The following TBXAS1 variants were observed in gnomAD, a reference collection of about 807,000 sequenced individuals.
TBXAS1 encodes the protein thromboxane-A synthase.
A neutral mutation model predicts 60.7 loss-of-function variants in TBXAS1; 48 were observed. The observed-to-expected ratio is 0.79, with a 90% CI of 0.63 to 1.01. TBXAS1 has a LOEUF of 1.01. TBXAS1 is among the 50% of genes least tolerant of loss of function. The pLI is 0.00. For missense variants in TBXAS1, 685 were observed against 686.3 expected (o/e 1.00, Z 0.02); for synonymous variants, 287 against 269.7 (o/e 1.06, Z -0.63).
intron 1 of TBXAS1, among the ~76,000 whole-genome samples, chr7:139,845,635 C>G (rs148738318): frequency 4.6e-5 from 7 of 152,168 alleles, no homozygotes; most frequent in Non-Finnish European, 7.4e-5. Context: ...GTAATAGGCA[C>G]GCAGTTACTT....
At chr7:139,843,725 C>A (rs2116593875) in intron 1 of TBXAS1, among the ~76,000 whole-genome samples, 1 of 152,338 alleles carries the variant, frequency 6.6e-6, no homozygotes, top group Non-Finnish European at 1.5e-5. Context: ...CATCTTAAGC[C>A]AGTGAGTGCC....
At chr7:139,858,929 C>T (rs1336014715) in intron 1 of TBXAS1, among the ~76,000 whole-genome samples, 3 of 152,072 alleles carry the variant, frequency 2.0e-5, no homozygotes, top group Non-Finnish European at 2.9e-5. Flanking sequence ...AGTGCAATGG[C>T]GTGATCTTGG....
chr7:139,947,632 T>C (rs1808841483), intron 5 of TBXAS1, among the ~76,000 whole-genome samples: 1 of 152,232 alleles, frequency 6.6e-6, no homozygotes, highest in South Asian at 2.1e-4. Context: ...CTTCCTTCCT[T>C]GGGGAATTTG....
At chr7:139,807,389 ATT>A (rs377132098) in intron 4 of TBXAS1, among the ~76,000 whole-genome samples, 9 of 143,318 alleles carry the variant, frequency 6.3e-5, no homozygotes, top group Non-Finnish European at 7.7e-5. Context: ...CACCTAGTTA[ATT>A]TTTTTTTTTT....
chr7:139,986,588 C>T (rs1331201837), intron 9 of TBXAS1, among the ~76,000 whole-genome samples: 1 of 151,616 alleles, frequency 6.6e-6, no homozygotes, highest in Non-Finnish European at 1.5e-5. Flanking sequence ...ATAGCTCCCG[C>T]TTATGAGTGA....
At chr7:139,971,513 G>C (rs1189090409) in intron 9 of TBXAS1, among the ~76,000 whole-genome samples, 5 of 152,310 alleles carry the variant, frequency 3.3e-5, no homozygotes, top group African/African-American at 1.2e-4. Context: ...CCGGCCATCT[G>C]CCTGTTCCCG....
At chr7:139,845,501 A>G (rs1419186663) in intron 1 of TBXAS1, among the ~76,000 whole-genome samples, 3 of 152,060 alleles carry the variant, frequency 2.0e-5, no homozygotes, top group African/African-American at 7.2e-5. Flanking sequence ...TCTTGCCCCA[A>G]TGTACCTGGT....
intron 4 of TBXAS1, among the ~76,000 whole-genome samples, chr7:139,815,679 G>A (rs1370022212): frequency 6.6e-6 from 1 of 152,188 alleles, no homozygotes; most frequent in East Asian, 1.9e-4. Context: ...CCTATTGGGA[G>A]ATAAGGCAGA....
Position 139,955,477 on chromosome 7 carries a change from C to T in TBXAS1, c.558C>T (p.Thr186=), listed in dbSNP as rs372676819. ...CCCGTAGGTGCTACTGCAATTACAC[C>T]ACAGATGTGGTTGCCAGCGTCGCCT... ...FDIQRCYCNY[T]TDVVASVAFG... The change falls in exon 7 of 13, where the codon ACC becomes ACT. Residue 186 remains threonine (T), a synonymous_variant. Coordinates refer to ENST00000448866, the MANE Select transcript of TBXAS1 (RefSeq NM_001061.7). 1.9e-6 allele frequency: 3 copies of T among 1,614,092 alleles called. No homozygotes were observed. The highest frequency in any genetic ancestry group is 2.5e-6 in the Non-Finnish European group (3 of 1,180,036).
chr7:139,851,887 A>G (rs1800240175), intron 1 of TBXAS1, among the ~76,000 whole-genome samples: 1 of 152,190 alleles, frequency 6.6e-6, no homozygotes, highest in Admixed American at 6.5e-5. Flanking sequence ...AGGGTCAGTT[A>G]GCATGACCAG....
intron 10 of TBXAS1, among the ~76,000 whole-genome samples, chr7:140,011,971 C>A (rs1585056328): frequency 1.3e-5 from 2 of 152,166 alleles, no homozygotes; most frequent in Admixed American, 6.5e-5. Context: ...ACGGTTTGAG[C>A]CTGTCCTCAT....
chr7:140,019,151 T>C (rs915865437), intron 12 of TBXAS1, among the ~76,000 whole-genome samples: 7 of 152,202 alleles, frequency 4.6e-5, no homozygotes, highest in African/African-American at 1.7e-4. Flanking sequence ...ACAGAGAACC[T>C]GGGACCAGCT....
At chr7:140,018,047 C>A (rs1815240089) in intron 12 of TBXAS1, among the ~76,000 whole-genome samples, 2 of 152,210 alleles carry the variant, frequency 1.3e-5, no homozygotes, top group Admixed American at 6.5e-5. Context: ...CTGTGAGGAT[C>A]CAGTGAGTTC....
At chr7:139,895,093 G>C (rs2116954173) in intron 3 of TBXAS1, among the ~76,000 whole-genome samples, 1 of 152,258 alleles carries the variant, frequency 6.6e-6, no homozygotes, top group South Asian at 2.1e-4. Flanking sequence ...GTAGAATCAT[G>C]GACCAGTGAA....
intron 9 of TBXAS1, among the ~76,000 whole-genome samples, chr7:139,997,366 G>C (rs542149608): frequency 6.6e-6 from 1 of 152,294 alleles, no homozygotes; most frequent in East Asian, 1.9e-4. Flanking sequence ...TATACAGTCA[G>C]CTGTGAATGT....
chr7:139,937,004 C>T (rs1807846648), intron 5 of TBXAS1, among the ~76,000 whole-genome samples: 1 of 152,190 alleles, frequency 6.6e-6, no homozygotes, highest in Admixed American at 6.5e-5. Flanking sequence ...TCTTTCCTAT[C>T]AGCTGTGCAC....
At chr7:139,938,195 G>A (rs575585828) in intron 5 of TBXAS1, among the ~76,000 whole-genome samples, 1 of 152,282 alleles carries the variant, frequency 6.6e-6, no homozygotes, top group Admixed American at 6.5e-5. Context: ...CCAAGACTGG[G>A]TCTGATACAG....
rs142113523 is a variant in TBXAS1, at chr7:139,866,716, C to G, written c.90-5519C>G. 8.7e-3 allele frequency among the ~76,000 whole-genome samples: 1,316 copies of G among 151,968 alleles called. 6 individuals are homozygous for G. Among genetic ancestry groups the G allele is most frequent in the Non-Finnish European group, 0.012 (787 of 67,996 alleles). ...GAGGCTACGGTGAGCTGAAATCACA[C>G]CACTGCACTCCAGCTTGGGCAACAG... On this transcript the variant is annotated intron_variant, in intron 1 of 12. Transcript: ENST00000448866.
chr7:140,005,861 C>G (rs1327474680), intron 9 of TBXAS1, among the ~76,000 whole-genome samples: 2 of 152,220 alleles, frequency 1.3e-5, no homozygotes, highest in Non-Finnish European at 2.9e-5. Context: ...TGGCCCCTGC[C>G]CTTCCACCCC....
Sources: gnomAD v4.1 joint callset for allele counts (sites outside exome capture counted in the v4.1 genomes callset) on GRCh38, gnomAD v4.1.1 for gene constraint, MANE v1.5 for transcripts, NCBI Gene and HGNC (gene_info 2026-07-23, HGNC 2026-07-21) for gene names.